The following GRAMD1B variants were observed in gnomAD, a reference collection of about 807,000 sequenced individuals.
GRAMD1B encodes the protein GRAM domain containing 1B, also known as protein Aster-B.
Under a neutral mutation model 99.7 loss-of-function variants are expected in GRAMD1B, and 37 were observed. The observed-to-expected ratio is 0.37, with a 90% CI of 0.29 to 0.49. The LOEUF (loss-of-function observed/expected upper bound fraction) is 0.49, where lower values mean the gene tolerates loss of function less well. Ranked by LOEUF, GRAMD1B falls within the 20% of genes least tolerant of loss-of-function variation. The probability of loss-of-function intolerance (pLI) is 0.98; values close to 1 mark genes in which losing one functional copy is unlikely to be tolerated. For synonymous variants in GRAMD1B, 427 were observed against 387.6 expected, an observed-to-expected ratio of 1.10 and a Z score of -1.19; for missense variants, 888 against 1,009.2, an observed-to-expected ratio of 0.88 and a Z score of 1.63.
chr11:123,402,298 C>T (rs988508845), intron 1 of GRAMD1B, among the ~76,000 whole-genome samples: 2 of 152,140 alleles, frequency 1.3e-5, no homozygotes, highest in African/African-American at 2.4e-5. Flanking sequence ...ATTACAGGTA[C>T]GAGCCACCAC....
chr11:123,578,650 C>A (rs1181476062), intron 3 of GRAMD1B, among the ~76,000 whole-genome samples: 11 of 152,180 alleles, frequency 7.2e-5, no homozygotes, highest in Non-Finnish European at 1.3e-4. Context: ...GACCCTCCCC[C>A]ACTCCCGACC....
chr11:123,393,053 C>G (rs113193321), intron 1 of GRAMD1B, among the ~76,000 whole-genome samples: 56 of 152,156 alleles, frequency 3.7e-4, no homozygotes, highest in Non-Finnish European at 1.0e-4. Context: ...ATGATAATTT[C>G]TAAACCCTGC....
At chr11:123,572,588 A>T (rs1401002093) in intron 2 of GRAMD1B, among the ~76,000 whole-genome samples, 1 of 152,186 alleles carries the variant, frequency 6.6e-6, no homozygotes, top group African/African-American at 2.4e-5. Flanking sequence ...GAAGGATCAG[A>T]GTGGAGGTAG....
At chr11:123,435,219 C>A (rs548795900) in intron 1 of GRAMD1B, among the ~76,000 whole-genome samples, 1 of 152,170 alleles carries the variant, frequency 6.6e-6, no homozygotes, top group Non-Finnish European at 1.5e-5. Flanking sequence ...GCATACCAGG[C>A]CCAGCATGAC....
At chr11:123,391,027 G>A (rs1267064295) in intron 1 of GRAMD1B, among the ~76,000 whole-genome samples, 2 of 152,204 alleles carry the variant, frequency 1.3e-5, no homozygotes, top group East Asian at 3.8e-4. Context: ...ACGCACACAA[G>A]CACATGGCCT....
At chr11:123,473,445 T>G (rs1951112395) in intron 1 of GRAMD1B, among the ~76,000 whole-genome samples, 1 of 152,164 alleles carries the variant, frequency 6.6e-6, no homozygotes, top group Admixed American at 6.5e-5. Context: ...TGTTTTCATT[T>G]ATTTTTTGTA....
chr11:123,523,097 C>G (rs765304766), intron 2 of GRAMD1B, among the ~76,000 whole-genome samples: 8 of 152,096 alleles, frequency 5.3e-5, no homozygotes, highest in Non-Finnish European at 1.2e-4. Flanking sequence ...TTTGGGAGGC[C>G]GAGGTGGGCG....
chr11:123,618,270 C>A, intron 17 of GRAMD1B: 2 of 1,236,116 alleles, frequency 1.6e-6, no homozygotes, highest in Non-Finnish European at 2.4e-6. Context: ...ATTTTCAGTG[C>A]AGGTTTCCCC....
chr11:123,359,276 G>A (rs997098881), intron 1 of GRAMD1B, among the ~76,000 whole-genome samples: 24 of 107,332 alleles, frequency 2.2e-4, no homozygotes, highest in African/African-American at 1.1e-3. Flanking sequence ...TCAGTCTTAC[G>A]CCTATTCTGC....
chr11:123,406,154 G>C (rs1377102765), intron 1 of GRAMD1B, among the ~76,000 whole-genome samples: 1 of 151,706 alleles, frequency 6.6e-6, no homozygotes, highest in African/African-American at 2.4e-5. Flanking sequence ...AGTAGAGACG[G>C]GTTTTCACTA....
Position 123,625,963 on chromosome 11 carries a change from A to ATC in GRAMD1B, c.*3368_*3369insTC, listed in dbSNP as rs1955483437. On this transcript the variant is annotated 3_prime_UTR_variant, in exon 20 of 20. Coordinates refer to ENST00000635736, the MANE Select transcript of GRAMD1B (RefSeq NM_001387025.1). ...GAGAGAGAGAGAGAGAGAGAGAGAG[A>ATC]GAGAGAGAGAGAGAGAGATCGAGCT... is the stretch of plus-strand genomic sequence containing the variant. 6 of 146,642 alleles carry ATC rather than the reference A, an allele frequency of 4.1e-5. No homozygotes were observed. The East Asian group carries it at 1.2e-3, about 29-fold the overall frequency. The allele number at this position is 146,642 out of a possible 1,614,324, so 9.1% of individuals were successfully genotyped here. A position where few individuals can be genotyped will look rare whatever the true frequency, so the allele number is the denominator to read the frequency against.
intron 1 of GRAMD1B, among the ~76,000 whole-genome samples, chr11:123,414,076 G>T (rs1338920654): frequency 2.7e-5 from 4 of 145,882 alleles, no homozygotes; most frequent in African/African-American, 1.0e-4. Context: ...ACAGAGTCTT[G>T]CTCTGTTGCC....
At chr11:123,581,606 C>T (rs550881131) in intron 3 of GRAMD1B, among the ~76,000 whole-genome samples, 8 of 152,322 alleles carry the variant, frequency 5.3e-5, no homozygotes, top group Non-Finnish European at 1.0e-4. Context: ...CCTGTGGCCC[C>T]TCAGTGGCAG....
rs767145435 is a variant in GRAMD1B at position 123,608,653 on chromosome 11, G to C, written c.1514-6G>C. 3.2e-6 allele frequency: 5 copies of C among 1,577,656 alleles called. No individual in the cohort carries two copies. Among genetic ancestry groups the C allele is most frequent in the Non-Finnish European group, 8.6e-7 (1 of 1,160,706 alleles). ...TGTCTACTTCCTGATCCTCTCTTCT[G>C]TGCAGGAGAGGTCCAGGCCTTCTAT... On this transcript the variant is annotated splice_region_variant and splice_polypyrimidine_tract_variant and intron_variant, in intron 11 of 19. Coordinates refer to ENST00000635736, the MANE Select transcript of GRAMD1B (RefSeq NM_001387025.1).
At chr11:123,521,815 C>G (rs547049259) in intron 2 of GRAMD1B, among the ~76,000 whole-genome samples, 2 of 152,340 alleles carry the variant, frequency 1.3e-5, no homozygotes, top group East Asian at 3.9e-4. Context: ...TCTCTCACCA[C>G]TTGTGGGCTT....
intron 2 of GRAMD1B, among the ~76,000 whole-genome samples, chr11:123,497,772 G>T (rs1243620702): frequency 6.6e-6 from 1 of 151,852 alleles, no homozygotes; most frequent in African/African-American, 2.4e-5. Context: ...ATGGTGGTGG[G>T]TGCCTGTAAT....
rs180913050 is a variant in GRAMD1B, at chr11:123,577,618, G to T, written c.663+41G>T. 10,667 of 1,441,876 alleles carry T rather than the reference G, an allele frequency of 7.4e-3. 51 individuals are homozygous for T. Among genetic ancestry groups the T allele is most frequent in the Non-Finnish European group, 9.1e-3 (9,578 of 1,048,540 alleles). The allele number at this position is 1,441,876 out of a possible 1,614,324, so 89.3% of individuals were successfully genotyped here. On this transcript the variant is annotated intron_variant, in intron 3 of 19. Transcript: ENST00000635736. ...TTGAGGCGGTACCTCCTTGTCAGGGGCTGCGGGGAGCGATATTGGGGTGGT... is the reference window on the plus strand; with the variant it reads ...TTGAGGCGGTACCTCCTTGTCAGGGTCTGCGGGGAGCGATATTGGGGTGGT...
intron 2 of GRAMD1B, among the ~76,000 whole-genome samples, chr11:123,540,858 C>T (rs1467995593): frequency 1.3e-5 from 2 of 152,140 alleles, no homozygotes; most frequent in Non-Finnish European, 1.5e-5. Context: ...TTAAGGATAG[C>T]ATCACAAACA....
intron 2 of GRAMD1B, among the ~76,000 whole-genome samples, chr11:123,520,585 A>G (rs1418177291): frequency 6.6e-6 from 1 of 152,050 alleles, no homozygotes; most frequent in Admixed American, 6.6e-5. Context: ...AGCCTGGGCA[A>G]CACAGCGAAA....
Sources: gnomAD v4.1 joint callset for allele counts (sites outside exome capture counted in the v4.1 genomes callset) on GRCh38, gnomAD v4.1.1 for gene constraint, MANE v1.5 for transcripts, NCBI Gene and HGNC (gene_info 2026-07-23, HGNC 2026-07-21) for gene names.